Variants in CALD1 observed in about 807,000 individuals in gnomAD.
CALD1 encodes caldesmon 1.
Under a neutral mutation model 99.9 loss-of-function variants are expected in CALD1, and 33 were observed. The observed-to-expected ratio is 0.33, with a 90% CI of 0.25 to 0.44. The LOEUF (loss-of-function observed/expected upper bound fraction) is 0.44, where lower values mean the gene tolerates loss of function less well. Ranked by LOEUF, CALD1 falls within the 20% of genes least tolerant of loss-of-function variation. The pLI, the probability that CALD1 is intolerant of heterozygous loss-of-function variation, is 1.00. For synonymous variants in CALD1, 310 were observed against 325.0 expected (o/e 0.95, Z 0.50); for missense variants, 861 against 962.1 (o/e 0.89, Z 1.39).
intron 14 of CALD1, 60 bp from the exon 15 acceptor site, chr7:134,968,280 A>C: frequency 6.6e-7 from 1 of 1,508,156 alleles, no homozygotes; most frequent in Non-Finnish European, 9.2e-7. Context: ...TGCCTGAAAC[A>C]CTGCAGGCTG....
chr7:134,960,636 C>T lies in CALD1; in HGVS notation c.2295+8C>T. On this transcript the variant is annotated splice_region_variant and intron_variant, in intron 13 of 14. Transcript: ENST00000361675. Reference sequence around the variant, plus strand: ...CCTGCTCCCAAACCTTCTGTAAGTACCTTTAGGTTTTTCTGAGTTTCTTTG... The same window carrying T: ...CCTGCTCCCAAACCTTCTGTAAGTATCTTTAGGTTTTTCTGAGTTTCTTTG... 6.4e-7 allele frequency: 1 copy of T among 1,572,458 alleles called. No homozygotes were observed. The highest frequency in any genetic ancestry group is 8.7e-7 in the Non-Finnish European group (1 of 1,143,282).
the CALD1 span, among the ~76,000 whole-genome samples, chr7:134,730,631 T>C: frequency 2.0e-5 from 3 of 152,224 alleles, no homozygotes; most frequent in South Asian, 2.1e-4. Flanking sequence ...GATGGATTAG[T>C]CTATTTATAA....
chr7:134,924,889 G>A (rs1804879507), intron 3 of CALD1, among the ~76,000 whole-genome samples: 1 of 151,970 alleles, frequency 6.6e-6, no homozygotes, highest in South Asian at 2.1e-4. Flanking sequence ...GGTTTTATAA[G>A]GGGGGGCTCT....
At chr7:134,859,908 A>G (rs371803290) in intron 2 of CALD1, among the ~76,000 whole-genome samples, 32 of 152,204 alleles carry the variant, frequency 2.1e-4, no homozygotes, top group African/African-American at 7.7e-4. Flanking sequence ...AAGAAAGGGC[A>G]TAAAGACATT....
chr7:134,862,869 C>G (rs1232873351), intron 2 of CALD1, among the ~76,000 whole-genome samples: 1 of 152,196 alleles, frequency 6.6e-6, no homozygotes, highest in African/African-American at 2.4e-5. Flanking sequence ...TCTTGTCCCA[C>G]TGTTACGGAG....
In CALD1 at chr7:134,928,919, C is replaced by G; in HGVS notation, c.218+19C>G. 1.3e-6 allele frequency: 2 copies of G among 1,585,380 alleles called. No homozygotes were observed. The highest frequency in any genetic ancestry group is 2.7e-5 in the African/African-American group (2 of 74,010). On this transcript the variant is annotated intron_variant, in intron 4 of 14. Transcript: ENST00000361675. ...AGAACAGGTACTGTCCTCTTTGGGACGGGGAGTTTCTAACTTGCGTCTTAG... is the reference window on the plus strand; with the variant it reads ...AGAACAGGTACTGTCCTCTTTGGGAGGGGGAGTTTCTAACTTGCGTCTTAG...
intron 1 of CALD1, among the ~76,000 whole-genome samples, chr7:134,772,095 CTT>C (rs11427929): frequency 5.4e-4 from 75 of 137,992 alleles, no homozygotes; most frequent in African/African-American, 1.4e-3. Flanking sequence ...AATAAATGAA[CTT>C]TTTTTTTTTT....
At chr7:134,794,336 A>C (rs1447018601) in intron 1 of CALD1, among the ~76,000 whole-genome samples, 3 of 152,234 alleles carry the variant, frequency 2.0e-5, no homozygotes, top group Non-Finnish European at 4.4e-5. Flanking sequence ...CTAGAGTTGA[A>C]AAATGATGAA....
At chr7:134,823,029 G>A (rs141896529) in intron 1 of CALD1, among the ~76,000 whole-genome samples, 312 of 152,228 alleles carry the variant, frequency 2.0e-3, no homozygotes, top group Non-Finnish European at 1.9e-3. Flanking sequence ...TGACTTCTCC[G>A]TGGGTCACCC....
At chr7:134,741,271 T>C (rs1796589938), upstream of CALD1, among the ~76,000 whole-genome samples, 1 of 152,184 alleles carries the variant, frequency 6.6e-6, no homozygotes. Flanking sequence ...CTTCTTCACA[T>C]GGCAGCAGTA....
intron 2 of CALD1, among the ~76,000 whole-genome samples, chr7:134,844,963 AAGTT>A (rs1247910456): frequency 1.3e-5 from 2 of 152,144 alleles, no homozygotes; most frequent in East Asian, 1.9e-4. Context: ...GAGATCCTGA[AAGTT>A]AGGATTTCAA....
intron 13 of CALD1, chr7:134,962,789 A>T (rs75915536): frequency 6.8e-6 from 3 of 439,706 alleles, no homozygotes; most frequent in South Asian, 3.3e-5. Flanking sequence ...CTTTTTGTTT[A>T]AAAAAAAACA....
At chr7:134,822,630 A>G (rs1798826992) in intron 1 of CALD1, among the ~76,000 whole-genome samples, 1 of 152,216 alleles carries the variant, frequency 6.6e-6, no homozygotes, top group Admixed American at 6.5e-5. Context: ...AGTGAATGCT[A>G]ACACTCACTG....
Position 134,947,492 on chromosome 7 carries a change from T to C in CALD1, c.1533-16T>C, listed in dbSNP as rs1167658674. 1.9e-6 allele frequency: 3 copies of C among 1,563,588 alleles called. No homozygotes were observed. Among genetic ancestry groups the C allele is most frequent in the Non-Finnish European group, 8.7e-7 (1 of 1,153,802 alleles). ...CAAAAGCATGTAAACCCCTTTCCAT[T>C]GCCCCCCAACCACAGCCGCCCTGGA... On this transcript the variant is annotated splice_polypyrimidine_tract_variant and intron_variant, in intron 7 of 14. Transcript: ENST00000361675.
intron 3 of CALD1, among the ~76,000 whole-genome samples, chr7:134,924,718 C>T (rs943137244): frequency 2.0e-5 from 3 of 152,002 alleles, no homozygotes; most frequent in African/African-American, 4.8e-5. Context: ...TATTTTGCCC[C>T]GTGATATCGT....
At position 134,960,568 on chromosome 7, in the gene CALD1, C is replaced by T. The variant is rs2230186; in HGVS notation, c.2235C>T (p.Arg745=). The stretch of plus-strand genomic sequence containing the variant: ...GCTTGAAGGTAGGGGTTTCTAGCCG[C>T]ATCAATGAATGGCTAACTAAAACCC... The part of the protein sequence containing the change: ...TAGLKVGVSS[R]INEWLTKTPD... Residue 745 remains arginine (R), a synonymous_variant, in exon 13 of 15, where the codon CGC becomes CGT. Transcript: ENST00000361675. 75,318 of 1,612,422 alleles carry T rather than the reference C, an allele frequency of 0.047. 2,007 individuals carry two copies. The highest frequency in any genetic ancestry group is 0.053 in the Non-Finnish European group (62,956 of 1,178,486).
At chr7:134,857,917 C>A (rs1403114324) in intron 2 of CALD1, among the ~76,000 whole-genome samples, 1 of 152,138 alleles carries the variant, frequency 6.6e-6, no homozygotes, top group Non-Finnish European at 1.5e-5. Context: ...CTAGAACACA[C>A]CTTTGAATTG....
chr7:134,911,652 A>C (rs1803821084), intron 3 of CALD1, among the ~76,000 whole-genome samples: 1 of 152,188 alleles, frequency 6.6e-6, no homozygotes, highest in Admixed American at 6.5e-5. Context: ...TCTGATTTAG[A>C]TGAATCCACA....
chr7:134,859,724 G>A (rs1342586758), intron 2 of CALD1, among the ~76,000 whole-genome samples: 1 of 152,134 alleles, frequency 6.6e-6, no homozygotes, highest in African/African-American at 2.4e-5. Context: ...TAACCATAAA[G>A]TTTTGAAAAA....
Sources: gnomAD v4.1 joint callset for allele counts (sites outside exome capture counted in the v4.1 genomes callset) on GRCh38, gnomAD v4.1.1 for gene constraint, MANE v1.5 for transcripts, NCBI Gene and HGNC (gene_info 2026-07-23, HGNC 2026-07-21) for gene names.